Variants in RBFOX2 observed in about 807,000 individuals in gnomAD.
RBFOX2 encodes RNA binding fox-1 homolog 2.
A neutral mutation model predicts 49.1 loss-of-function variants in RBFOX2; 10 were observed. The ratio of observed to expected loss-of-function variants is 0.20; its 90% confidence interval spans 0.13 to 0.35. The LOEUF (loss-of-function observed/expected upper bound fraction) is 0.35, where lower values mean the gene tolerates loss of function less well. Ranked by LOEUF, RBFOX2 falls within the 10% of genes least tolerant of loss-of-function variation. The probability of loss-of-function intolerance (pLI) is 1.00; values close to 1 mark genes in which losing one functional copy is unlikely to be tolerated. For missense variants in RBFOX2, 323 were observed against 486.9 expected (o/e 0.66, Z 3.17); for synonymous variants, 183 against 187.4 (o/e 0.98, Z 0.19).
chr22:35,809,561 G>A (rs1338440726), intron 2 of RBFOX2, among the ~76,000 whole-genome samples: 1 of 152,152 alleles, frequency 6.6e-6, no homozygotes, highest in Non-Finnish European at 1.5e-5. Flanking sequence ...AGAACACCCA[G>A]TGCTTGGCAG....
intron 1 of RBFOX2, among the ~76,000 whole-genome samples, chr22:35,985,369 T>C (rs1268701001): frequency 2.6e-5 from 4 of 152,106 alleles, no homozygotes; most frequent in South Asian, 2.1e-4. Flanking sequence ...TAGACCGGGA[T>C]TGTAACACTC....
At chr22:35,814,845 A>C (rs1952703577) in intron 1 of RBFOX2, among the ~76,000 whole-genome samples, 3 of 152,022 alleles carry the variant, frequency 2.0e-5, no homozygotes. Flanking sequence ...TCTTGAGCTC[A>C]GGAGTTTGAG....
intron 4 of RBFOX2, among the ~76,000 whole-genome samples, chr22:35,770,309 T>C (rs533857197): frequency 6.6e-6 from 1 of 152,204 alleles, no homozygotes; most frequent in Non-Finnish European, 1.5e-5. Flanking sequence ...CAGTCATATA[T>C]TTTATGACTT....
intron 1 of RBFOX2, among the ~76,000 whole-genome samples, chr22:35,930,143 C>T (rs1346910089): frequency 6.6e-6 from 1 of 151,242 alleles, no homozygotes; most frequent in Non-Finnish European, 1.5e-5. Context: ...TGCCTCAGCT[C>T]CCAAGTAGCT....
intron 1 of RBFOX2, among the ~76,000 whole-genome samples, chr22:35,904,776 G>A (rs1460788607): frequency 1.3e-5 from 2 of 152,152 alleles, no homozygotes; most frequent in African/African-American, 4.8e-5. Flanking sequence ...ATATAAGTTA[G>A]TTAACTAGAG....
chr22:35,800,498 T>A (rs1027736537), intron 2 of RBFOX2, among the ~76,000 whole-genome samples: 15 of 152,228 alleles, frequency 9.9e-5, no homozygotes. Flanking sequence ...AGTAGAAACC[T>A]ATGCTTTTAT....
intron 1 of RBFOX2, among the ~76,000 whole-genome samples, chr22:35,918,550 T>C (rs1293641655): frequency 6.6e-6 from 1 of 152,194 alleles, no homozygotes; most frequent in African/African-American, 2.4e-5. Flanking sequence ...AATCATATAG[T>C]AAGAAATAAT....
intron 1 of RBFOX2, among the ~76,000 whole-genome samples, chr22:35,936,237 C>CAAAAA (rs58153258): frequency 1.5e-5 from 1 of 64,528 alleles, no homozygotes. Flanking sequence ...CCAACAACAA[C>CAAAAA]AAAAAAAAAA....
chr22:35,972,466 T>C (rs1482038862), intron 1 of RBFOX2, among the ~76,000 whole-genome samples: 1 of 151,892 alleles, frequency 6.6e-6, no homozygotes, highest in East Asian at 1.9e-4. Context: ...TACCCGGTAC[T>C]GTGGTAAATG....
chr22:35,766,285 C>G (rs550669071), intron 5 of RBFOX2, among the ~76,000 whole-genome samples: 140 of 152,240 alleles, frequency 9.2e-4, no homozygotes, highest in African/African-American at 3.2e-3. Context: ...GAACCAGTCT[C>G]AAAGCTCTTG....
At chr22:35,795,103 T>C (rs940557352) in intron 2 of RBFOX2, among the ~76,000 whole-genome samples, 3 of 152,216 alleles carry the variant, frequency 2.0e-5, no homozygotes, top group African/African-American at 4.8e-5. Flanking sequence ...AGCTTCCTTA[T>C]GGATCCAGCT....
At chr22:35,992,398 T>C (rs1393841948) in intron 1 of RBFOX2, 4 of 152,134 alleles carry the variant, frequency 2.6e-5, no homozygotes, top group African/African-American at 9.7e-5. Flanking sequence ...AGAATGTAGA[T>C]TCAAGAGTTC....
intron 4 of RBFOX2, among the ~76,000 whole-genome samples, chr22:35,771,282 G>A (rs1163856560): frequency 2.6e-5 from 4 of 152,292 alleles, no homozygotes; most frequent in South Asian, 2.1e-4. Context: ...AGTGAAAAGC[G>A]GACACAGGAG....
chr22:35,835,231 G>A (rs1350656349), intron 1 of RBFOX2, among the ~76,000 whole-genome samples: 1 of 152,156 alleles, frequency 6.6e-6, no homozygotes, highest in East Asian at 1.9e-4. Context: ...GACTTCGGAA[G>A]GGAACATGTG....
At chr22:35,976,988 A>G (rs2057200412) in intron 1 of RBFOX2, among the ~76,000 whole-genome samples, 2 of 151,990 alleles carry the variant, frequency 1.3e-5, no homozygotes, top group Non-Finnish European at 2.9e-5. Context: ...AAGAAAAAGA[A>G]AAGCAAATGA....
At chr22:35,792,117 G>A (rs1216173489) in intron 2 of RBFOX2, among the ~76,000 whole-genome samples, 2 of 151,898 alleles carry the variant, frequency 1.3e-5, no homozygotes, top group Non-Finnish European at 2.9e-5. Flanking sequence ...AGGAGTTTGA[G>A]ACCAGCCTGG....
At chr22:35,826,516 G>T (rs1955770152) in intron 1 of RBFOX2, among the ~76,000 whole-genome samples, 1 of 151,730 alleles carries the variant, frequency 6.6e-6, no homozygotes, top group South Asian at 2.1e-4. Flanking sequence ...AAATATGAGG[G>T]GAAAAATCAC....
At chr22:35,937,345 A>AGTAAAGATT (rs1450289087) in intron 1 of RBFOX2, among the ~76,000 whole-genome samples, 15 of 152,206 alleles carry the variant, frequency 9.9e-5, no homozygotes, top group African/African-American at 3.6e-4. Flanking sequence ...TTTAGGGTAA[A>AGTAAAGATT]TGGCCCTATC....
intron 1 of RBFOX2, among the ~76,000 whole-genome samples, chr22:35,874,339 A>T (rs1238021691): frequency 1.3e-5 from 2 of 152,220 alleles, no homozygotes; most frequent in African/African-American, 2.4e-5. Flanking sequence ...GCGGAAAAAA[A>T]AAATTCCGTC....
Sources: gnomAD v4.1 joint callset for allele counts (sites outside exome capture counted in the v4.1 genomes callset) on GRCh38, gnomAD v4.1.1 for gene constraint, MANE v1.5 for transcripts, NCBI Gene and HGNC (gene_info 2026-07-23, HGNC 2026-07-21) for gene names.